Variants in CRLF1 observed in about 807,000 individuals in gnomAD.
The protein encoded by CRLF1 is cytokine receptor like factor 1, also known as cytokine receptor-like factor 1.
A neutral mutation model predicts 48.9 loss-of-function variants in CRLF1; 36 were observed. That is an observed-to-expected ratio of 0.74 (90% CI 0.56 to 0.97). The LOEUF is 0.97. Among genes scored for constraint, CRLF1 ranks in the 50% least tolerant of loss-of-function variants. The probability of loss-of-function intolerance (pLI) is 0.00; values close to 1 mark genes in which losing one functional copy is unlikely to be tolerated. For synonymous variants in CRLF1, 256 were observed against 253.4 expected (o/e 1.01, Z -0.10); for missense variants, 534 against 575.1 (o/e 0.93, Z 0.73).
intron 6 of CRLF1, among the ~76,000 whole-genome samples, 162 bp from the exon 7 acceptor site, chr19:18,594,596 A>AGCTGCGCCCCTGGCCCG (rs1368609556): frequency 6.6e-6 from 1 of 151,538 alleles, no homozygotes; most frequent in South Asian, 2.1e-4. Flanking sequence ...ACAGCAGCCC[A>AGCTGCGCCCCTGGCCCG]GCTGCGCCCC....
intron 1 of CRLF1, among the ~76,000 whole-genome samples, chr19:18,605,903 C>A (rs1976287317): frequency 6.6e-6 from 1 of 152,124 alleles, no homozygotes; most frequent in Non-Finnish European, 1.5e-5. Flanking sequence ...AGATTCCTCT[C>A]GCTGGAGGCT....
intron 8 of CRLF1, 42 bp downstream of exon 8, chr19:18,594,020 CCCT>C (rs890201127): frequency 1.5e-5 from 23 of 1,532,620 alleles, no homozygotes; most frequent in Non-Finnish European, 2.0e-5. Flanking sequence ...CCGGAAGGGG[CCCT>C]CCCCTTGCTC....
In CRLF1 at chr19:18,598,966, G is replaced by A. The variant is rs1461096136; in HGVS notation, c.398-65C>T. On this transcript the variant is annotated intron_variant, in intron 2 of 8. Transcript: ENST00000392386. ...TGGACTAGCTGAGCCTCGGCTGAGG[G>A]GTTGCTGCCCACCCACCAGGCCCCC... is the stretch of plus-strand genomic sequence containing the variant. 25 of 1,594,238 alleles carry A rather than the reference G, an allele frequency of 1.6e-5. No homozygotes were observed. In the Admixed American group the frequency reaches 4.2e-4, roughly 27 times the overall value.
Position 18,598,580 on chromosome 19 carries a change from T to C in CRLF1, c.549A>G (p.Thr183=). The C allele has an allele frequency of 1.2e-6, 2 of 1,613,968 alleles. No homozygotes were observed. Among genetic ancestry groups the C allele is most frequent in the Non-Finnish European group, 1.7e-6 (2 of 1,179,942 alleles). ...GCCCCACTGTGTGGTACTCCTCACA[T>C]GTGTTGTCCTGGCCATACCACCTGC... The part of the protein sequence containing the change: ...YKLRWYGQDN[T]CEEYHTVGPH... The change falls in exon 4 of 9, where the codon ACA becomes ACG. Residue 183 remains threonine (T), a synonymous_variant. Coordinates refer to ENST00000392386, the MANE Select transcript of CRLF1 (RefSeq NM_004750.5).
rs2145326684 is a variant in CRLF1 at position 18,594,325 on chromosome 19, C to A, written c.1134G>T (p.Ala378=). 6.2e-7 allele frequency: 1 copy of A among 1,612,496 alleles called. No homozygotes were observed. The highest frequency in any genetic ancestry group is 1.7e-5 in the Admixed American group (1 of 59,984). ...KQFLGWLKKH[A]YCSNLSFRLY... is the part of the protein sequence containing the mutation. ...GGCGGAAGCTGAGGTTGGAGCAGTA[C>A]GCGTGCTTCTTGAGCCAGCCCAGGA... The change falls in exon 7 of 9, where the codon GCG becomes GCT. Residue 378 remains alanine (A), a synonymous_variant. Transcript: ENST00000392386.
rs772777727 is a variant in CRLF1 at position 18,596,742 on chromosome 19, T to G, written c.904A>C (p.Lys302Gln). 31 of 1,613,896 alleles carry G rather than the reference T, an allele frequency of 1.9e-5. No homozygotes were observed. The highest frequency in any genetic ancestry group is 2.3e-5 in the Non-Finnish European group (27 of 1,180,014). The stretch of plus-strand genomic sequence containing the variant: ...TGCACGAAGTACACGGTGCCGGGTT[T>G]CAGGCCGGCCAGGCGGCAGGAGGTC... ...NQTSCRLAGLKPGTVYFVQVR... is the reference protein window; with the variant it reads ...NQTSCRLAGLQPGTVYFVQVR... The change falls in exon 6 of 9, where the codon AAA becomes CAA. Residue 302 changes from lysine (K) to glutamine (Q), a missense_variant. Coordinates refer to ENST00000392386, the MANE Select transcript of CRLF1 (RefSeq NM_004750.5).
At position 18,606,281 on chromosome 19, in the gene CRLF1, GC is replaced by G. The variant is rs1976294406; in HGVS notation, c.115+260del. 6.6e-6 allele frequency among the ~76,000 whole-genome samples: 1 copy of G among 151,716 alleles called. No homozygotes were observed. Among genetic ancestry groups the G allele is most frequent in the African/African-American group, 2.4e-5 (1 of 41,330 alleles). On this transcript the variant is annotated intron_variant, in intron 1 of 8. Transcript: ENST00000392386. This position sits in a 1 kb window ranked among gnomAD's most constrained non-coding sequence, Gnocchi z 4.8. ...AGGGTCTCAGGCCGCGATCCCCCCAGCCCCCGGGGGCCTGGCCTGGCGCCCT... is the reference window on the plus strand; with the variant it reads ...AGGGTCTCAGGCCGCGATCCCCCCAGCCCCGGGGGCCTGGCCTGGCGCCCT...
chr19:18,594,032 T>TGGGGGGGC, intron 8 of CRLF1, 33 bp downstream of exon 8: 37 of 695,750 alleles, frequency 5.3e-5, no homozygotes, highest in East Asian at 9.3e-5. Context: ...CTCCCCTTGC[T>TGGGGGGGC]CCCTCCCGCC....
intron 8 of CRLF1, 59 bp from the exon 9 acceptor site, chr19:18,593,638 A>G: frequency 6.4e-7 from 1 of 1,566,110 alleles, no homozygotes; most frequent in Admixed American, 1.9e-5. Context: ...CGCACCACAG[A>G]GCCACTGAAG....
chr19:18,594,192 G>T (rs904821589), intron 7 of CRLF1, 55 bp downstream of exon 7: 2 of 1,604,740 alleles, frequency 1.2e-6, no homozygotes, highest in African/African-American at 1.3e-5. Flanking sequence ...CCTGTTTTCT[G>T]GGCCCCCCCA....
chr19:18,596,542 A>C, intron 6 of CRLF1, 80 bp downstream of exon 6: 1 of 1,530,944 alleles, frequency 6.5e-7, no homozygotes. Context: ...GAAAAAAAAA[A>C]GAAAAGAAAA....
At chr19:18,599,513 G>A (rs899845173) in intron 2 of CRLF1, 52 bp downstream of exon 2, 1 of 1,609,746 alleles carries the variant, frequency 6.2e-7, no homozygotes, top group Non-Finnish European at 8.5e-7. Context: ...CACTCCAGAG[G>A]GAGATGCCGC....
chr19:18,594,151 C>T, intron 7 of CRLF1, 44 bp from the exon 8 acceptor site: 1 of 1,590,380 alleles, frequency 6.3e-7, no homozygotes, highest in Non-Finnish European at 8.6e-7. Flanking sequence ...GGCTGCAGAC[C>T]TGCGTCCACA....
At chr19:18,597,431 C>CT (rs765610119) in intron 4 of CRLF1, among the ~76,000 whole-genome samples, 1,090 of 81,614 alleles carry the variant, frequency 0.013, 188 homozygotes, top group African/African-American at 0.052. Context: ...CCCTTCCACT[C>CT]TTTTTTTTTT....
At chr19:18,594,032 T>TGGGCAC in intron 8 of CRLF1, 33 bp downstream of exon 8, 1 of 695,808 alleles carries the variant, frequency 1.4e-6, no homozygotes, top group Non-Finnish European at 2.2e-6. Flanking sequence ...CTCCCCTTGC[T>TGGGCAC]CCCTCCCGCC....
At chr19:18,594,765 T>G (rs1274880728) in intron 6 of CRLF1, among the ~76,000 whole-genome samples, 8 of 149,712 alleles carry the variant, frequency 5.3e-5, no homozygotes, top group Admixed American at 2.0e-4. Flanking sequence ...GGATGAGACA[T>G]AGAGATAGAC....
In CRLF1 at chr19:18,606,643, C is replaced by CGGCCGGCGGGCATGG; in HGVS notation, c.-2_13dup (p.Gly4_Arg5insProMetProAlaGly). On this transcript the variant is annotated inframe_insertion, in exon 1 of 9. Coordinates refer to ENST00000392386, the MANE Select transcript of CRLF1 (RefSeq NM_004750.5). This position sits in a 1 kb window ranked among gnomAD's most constrained non-coding sequence, Gnocchi z 4.8. Reference sequence around the variant, plus strand: ...CGCGGATTGGGCGGCGGGGCCCCGGCGGCCGGCGGGCATGGGGCCGGCGCT... The same window carrying CGGCCGGCGGGCATGG: ...CGCGGATTGGGCGGCGGGGCCCCGGCGGCCGGCGGGCATGGGGCCGGCGGGCATGGGGCCGGCGCT... 2.2e-6 allele frequency: 2 copies of CGGCCGGCGGGCATGG among 917,126 alleles called. No individual in the cohort carries two copies. The highest frequency in any genetic ancestry group is 2.6e-6 in the Non-Finnish European group (2 of 765,976). 56.8% of individuals were successfully genotyped at this position (917,126 alleles called of 1,614,324 possible).
chr19:18,606,425 C>T lies in CRLF1; in HGVS notation c.115+117G>A. The T allele has an allele frequency of 1.2e-6, 1 of 818,648 alleles. No individual in the cohort carries two copies. The highest frequency in any genetic ancestry group is 1.5e-6 in the Non-Finnish European group (1 of 671,596). The allele number at this position is 818,648 out of a possible 1,614,324, so 50.7% of individuals were successfully genotyped here. ...GCCCCGAGGGCTGCGCCGGGGGCGC[C>T]TTCCTTTGTTCCCCGGCCGTCCAGG... On this transcript the variant is annotated intron_variant, in intron 1 of 8. Transcript: ENST00000392386. The surrounding 1 kb of genome is among the most constrained non-coding windows in gnomAD (Gnocchi z 4.8).
chr19:18,594,191 TG>T, intron 7 of CRLF1, 55 bp downstream of exon 7: 1 of 1,605,806 alleles, frequency 6.2e-7, no homozygotes, highest in South Asian at 1.1e-5. Context: ...CCCTGTTTTC[TG>T]GGCCCCCCCA....
Sources: gnomAD v4.1 joint callset for allele counts (sites outside exome capture counted in the v4.1 genomes callset) on GRCh38, gnomAD v4.1.1 for gene constraint, Gnocchi (gnomAD v3.1) non-coding constraint, MANE v1.5 for transcripts, NCBI Gene and HGNC (gene_info 2026-07-23, HGNC 2026-07-21) for gene names.